Variants in DGKH observed in about 807,000 individuals in gnomAD.
DGKH encodes diacylglycerol kinase eta.
Under a neutral mutation model 159.3 loss-of-function variants are expected in DGKH, and 90 were observed. The observed-to-expected ratio is 0.57, with a 90% CI of 0.48 to 0.67. DGKH has a LOEUF of 0.67. Ranked by LOEUF, DGKH falls within the 30% of genes least tolerant of loss-of-function variation. DGKH has a pLI of 0.00. For missense variants in DGKH, 1,181 were observed against 1,506.1 expected (o/e 0.78, Z 3.57); for synonymous variants, 536 against 553.8 (o/e 0.97, Z 0.45).
At chr13:42,045,944 T>C (rs1470860694), upstream of DGKH, among the ~76,000 whole-genome samples, 1 of 152,238 alleles carries the variant, frequency 6.6e-6, no homozygotes, top group Non-Finnish European at 1.5e-5. Context: ...GAAATTTGGC[T>C]GTGACTTACA....
intron 1 of DGKH, among the ~76,000 whole-genome samples, chr13:42,060,683 G>A (rs1253662236): frequency 6.6e-6 from 1 of 152,160 alleles, no homozygotes; most frequent in Non-Finnish European, 1.5e-5. Context: ...AGAAGTGTAT[G>A]AAAGAGACAC....
At chr13:42,207,129 CCTTCCTTCCTTCCT>C (rs1566192598) in intron 21 of DGKH, among the ~76,000 whole-genome samples, 6 of 28,454 alleles carry the variant, frequency 2.1e-4, no homozygotes, top group African/African-American at 5.2e-4. Flanking sequence ...CTCTCTCCTT[CCTTCCTTCCTTCCT>C]TCCTTCCTTC....
At chr13:42,120,805 A>AGTGTGTATATTGT (rs1955052690) in intron 1 of DGKH, among the ~76,000 whole-genome samples, 1 of 152,184 alleles carries the variant, frequency 6.6e-6, no homozygotes, top group Non-Finnish European at 1.5e-5. Context: ...TGTAATTTTT[A>AGTGTGTATATTGT]GTGTGTATAT....
chr13:42,163,576 T>C (rs1208329929), intron 7 of DGKH, among the ~76,000 whole-genome samples: 1 of 152,248 alleles, frequency 6.6e-6, no homozygotes, highest in Non-Finnish European at 1.5e-5. Context: ...AGATGGTATC[T>C]CATTGTGGTT....
rs1486734133 is a variant in DGKH at position 42,239,627 on chromosome 13, T to C, written c.*10439T>C. On this transcript the variant is annotated 3_prime_UTR_variant, in exon 30 of 30. Transcript: ENST00000337343. Reference sequence around the variant, plus strand: ...ACAAACCCTCACCATTTTTCACTCCTGTGCTTTTGCCATAGGTTTTTTTTT... The same window carrying C: ...ACAAACCCTCACCATTTTTCACTCCCGTGCTTTTGCCATAGGTTTTTTTTT... 1 of 152,620 alleles carries C rather than the reference T, an allele frequency of 6.6e-6. No homozygotes were observed. Among genetic ancestry groups the C allele is most frequent in the Non-Finnish European group, 1.5e-5 (1 of 68,014 alleles). The allele number at this position is 152,620 out of a possible 1,614,324, so 9.5% of individuals were successfully genotyped here.
chr13:42,079,495 A>G (rs1471868419), intron 1 of DGKH, among the ~76,000 whole-genome samples: 2 of 151,952 alleles, frequency 1.3e-5, no homozygotes, highest in African/African-American at 2.4e-5. Flanking sequence ...GTCTCATTTC[A>G]CTAAAAGAGG....
intron 13 of DGKH, among the ~76,000 whole-genome samples, chr13:42,179,481 A>G (rs1956692402): frequency 6.6e-6 from 1 of 152,156 alleles, no homozygotes; most frequent in Non-Finnish European, 1.5e-5. Context: ...TCTGTGTAAG[A>G]TTGTATTTGA....
At chr13:42,140,556 C>G (rs1182873303) in intron 3 of DGKH, 1 of 152,216 alleles carries the variant, frequency 6.6e-6, no homozygotes, top group African/African-American at 2.4e-5. Context: ...AAGTTTTGGA[C>G]CAGCAGCCCA....
intron 1 of DGKH, among the ~76,000 whole-genome samples, chr13:42,049,435 C>T (rs1881096731): frequency 6.6e-6 from 1 of 152,270 alleles, no homozygotes; most frequent in East Asian, 1.9e-4. Context: ...CATGTGCTGG[C>T]CAACCAGCCT....
At chr13:42,069,416 T>C (rs1251801572) in intron 1 of DGKH, 3 of 1,541,992 alleles carry the variant, frequency 1.9e-6, no homozygotes, top group Non-Finnish European at 2.6e-6. Context: ...TCAATTCTAG[T>C]TGGGACACTG....
intron 30 of DGKH, among the ~76,000 whole-genome samples, chr13:42,253,975 A>G (rs992520909): frequency 6.6e-6 from 1 of 151,306 alleles, no homozygotes; most frequent in African/African-American, 2.4e-5. Context: ...GGCAGCCTCA[A>G]AATTGGGAGT....
chr13:42,175,728 T>C (rs886401419), intron 12 of DGKH, among the ~76,000 whole-genome samples: 4 of 152,216 alleles, frequency 2.6e-5, no homozygotes, highest in Non-Finnish European at 4.4e-5. Context: ...AGGGATAGCA[T>C]ACTTTAAGAT....
intron 1 of DGKH, among the ~76,000 whole-genome samples, chr13:42,101,795 A>AG: frequency 1.5e-5 from 2 of 132,224 alleles, no homozygotes; most frequent in African/African-American, 2.8e-5. Context: ...GAGAGAGAGA[A>AG]AGAGAGAGAA....
intron 1 of DGKH, among the ~76,000 whole-genome samples, chr13:42,086,786 C>T (rs2137733964): frequency 6.6e-6 from 1 of 152,198 alleles, no homozygotes; most frequent in Middle Eastern, 3.4e-3. Flanking sequence ...TCTGATTGTC[C>T]CAACTTGCTG....
chr13:42,067,501 A>G (rs1208169288), intron 1 of DGKH, among the ~76,000 whole-genome samples: 4 of 152,198 alleles, frequency 2.6e-5, no homozygotes, highest in Non-Finnish European at 5.9e-5. Flanking sequence ...TGGCTTTGAG[A>G]TAATTTGTTC....
At chr13:42,158,744 G>A (rs1956103704) in intron 5 of DGKH, among the ~76,000 whole-genome samples, 1 of 152,070 alleles carries the variant, frequency 6.6e-6, no homozygotes, top group South Asian at 2.1e-4. Flanking sequence ...TGTCTTGTTG[G>A]TATACTTGCA....
At chr13:42,208,809 T>C in intron 21 of DGKH, 150 bp from the exon 22 acceptor site, 1 of 258,556 alleles carries the variant, frequency 3.9e-6, no homozygotes. Flanking sequence ...CTTCAGAGAT[T>C]TTTTTCTTGG....
At chr13:42,159,244 C>CTGTTTTTTTTTTTTTTTTT (rs1956115543) in intron 5 of DGKH, 22 bp from the exon 6 acceptor site, 1 of 200,416 alleles carries the variant, frequency 5.0e-6, no homozygotes, top group Admixed American at 1.1e-4. Flanking sequence ...AGCAGTTGCT[C>CTGTTTTTTTTTTTTTTTTT]TTTTTTTTTT....
intron 1 of DGKH, chr13:42,069,284 G>A: frequency 9.2e-7 from 1 of 1,081,810 alleles, no homozygotes; most frequent in Non-Finnish European, 1.4e-6. Flanking sequence ...TGAGAAAACA[G>A]TTCTCCCCAT....
Sources: gnomAD v4.1 joint callset for allele counts (sites outside exome capture counted in the v4.1 genomes callset) on GRCh38, gnomAD v4.1.1 for gene constraint, MANE v1.5 for transcripts, NCBI Gene and HGNC (gene_info 2026-07-23, HGNC 2026-07-21) for gene names.